OSTC: variants seen among roughly 807,000 people sequenced by gnomAD.
The protein encoded by OSTC is oligosaccharyltransferase complex subunit OSTC.
A neutral mutation model predicts 16.4 loss-of-function variants in OSTC; 16 were observed. The observed-to-expected ratio is 0.98, with a 90% CI of 0.66 to 1.49. OSTC has a LOEUF of 1.49. Ranked by LOEUF, OSTC falls within the 40% of genes most tolerant of loss-of-function variation. OSTC has a pLI of 0.00. For synonymous variants in OSTC, 67 were observed against 68.5 expected, an observed-to-expected ratio of 0.98 and a Z score of 0.11; for missense variants, 139 against 186.3, an observed-to-expected ratio of 0.75 and a Z score of 1.48.
At chr4:108,658,779 C>G (rs185271573) in intron 3 of OSTC, among the ~76,000 whole-genome samples, 3 of 151,936 alleles carry the variant, frequency 2.0e-5, no homozygotes, top group African/African-American at 7.3e-5. Context: ...TTTACAAATT[C>G]ACTTGTTCTG....
chr4:108,665,533 G>GTTTTGTTTTGTT (rs33968685), intron 3 of OSTC, among the ~76,000 whole-genome samples: 1 of 125,952 alleles, frequency 7.9e-6, no homozygotes, highest in African/African-American at 2.8e-5. Flanking sequence ...AGGATGTTTT[G>GTTTTGTTTTGTT]TGTTTTGTTT....
intron 1 of OSTC, chr4:108,651,085 T>A: frequency 2.9e-6 from 1 of 347,620 alleles, no homozygotes; most frequent in Admixed American, 4.3e-5. Context: ...AAATTGTTGC[T>A]CTTTTTGTTG....
At chr4:108,657,349 T>C (rs1388940302) in intron 2 of OSTC, 101 bp from the exon 3 acceptor site, 1 of 987,676 alleles carries the variant, frequency 1.0e-6, no homozygotes, top group Non-Finnish European at 1.5e-6. Flanking sequence ...ATAAGAAATA[T>C]AGCACAAAAA....
chr4:108,667,097 A>C, intron 3 of OSTC, 150 bp from the exon 4 acceptor site: 1 of 612,252 alleles, frequency 1.6e-6, no homozygotes. Context: ...ATATGAAATA[A>C]GGACCATAAT....
At chr4:108,657,922 T>C (rs1456035289) in intron 3 of OSTC, among the ~76,000 whole-genome samples, 1 of 99,690 alleles carries the variant, frequency 1.0e-5, no homozygotes, top group African/African-American at 4.4e-5. Context: ...TGTTTCTTTT[T>C]TTTTTTTTTT....
intron 1 of OSTC, among the ~76,000 whole-genome samples, chr4:108,652,955 CTTGTA>C (rs1357927443): frequency 6.6e-6 from 1 of 152,100 alleles, no homozygotes; most frequent in Non-Finnish European, 1.5e-5. Flanking sequence ...AGGAGAATTG[CTTGTA>C]CCCGGGAGGT....
chr4:108,662,059 A>G lies in OSTC; in HGVS notation c.431+4412A>G, dbSNP rs1041726567. Among the ~76,000 whole-genome samples, 5 of 152,334 alleles carry G rather than the reference A, an allele frequency of 3.3e-5. No homozygotes were observed. In the East Asian group the frequency reaches 9.6e-4, roughly 29 times the overall value. On this transcript the variant is annotated intron_variant, in intron 3 of 3. Coordinates refer to ENST00000361564, the MANE Select transcript of OSTC (RefSeq NM_021227.4). ...TATAAAACTACTTGAAATAGATACT[A>G]TCAGATAATTGAGGACAAAAGGTCT...
At position 108,650,810 on chromosome 4, in the gene OSTC, G is replaced by A. The variant is rs1417567127; in HGVS notation, c.139+16G>A. 2 of 1,613,916 alleles carry A rather than the reference G, an allele frequency of 1.2e-6. No individual in the cohort carries two copies. Among genetic ancestry groups the A allele is most frequent in the Non-Finnish European group, 1.7e-6 (2 of 1,179,902 alleles). ...ATCACCGGAGGTAACTCGGGCTGTCGGGCCCGAGAGGCTGAGGAGCGGAGA... is the reference window on the plus strand; with the variant it reads ...ATCACCGGAGGTAACTCGGGCTGTCAGGCCCGAGAGGCTGAGGAGCGGAGA... On this transcript the variant is annotated intron_variant, in intron 1 of 3. Transcript: ENST00000361564.
At chr4:108,658,504 A>G (rs1320666477) in intron 3 of OSTC, among the ~76,000 whole-genome samples, 1 of 151,986 alleles carries the variant, frequency 6.6e-6, no homozygotes, top group Non-Finnish European at 1.5e-5. Context: ...ACTTTTCAAT[A>G]TCTTTAGAGG....
intron 3 of OSTC, among the ~76,000 whole-genome samples, chr4:108,665,533 GTGTTTTGTTT>G (rs140237062): frequency 2.4e-5 from 3 of 125,952 alleles, no homozygotes; most frequent in African/African-American, 8.4e-5. Flanking sequence ...AGGATGTTTT[GTGTTTTGTTT>G]TGTTTTGTTT....
intron 3 of OSTC, 80 bp downstream of exon 3, chr4:108,657,727 T>G (rs1389568479): frequency 1.6e-6 from 2 of 1,257,576 alleles, no homozygotes; most frequent in African/African-American, 3.0e-5. Context: ...CATAGGACAT[T>G]TAATTTAACT....
chr4:108,659,516 C>T (rs1227978364), intron 3 of OSTC, among the ~76,000 whole-genome samples: 1 of 152,100 alleles, frequency 6.6e-6, no homozygotes, highest in Non-Finnish European at 1.5e-5. Context: ...TGCCTGTAAT[C>T]CCAGCACTTT....
At chr4:108,656,456 G>T (rs1213827466) in intron 2 of OSTC, among the ~76,000 whole-genome samples, 1 of 122,480 alleles carries the variant, frequency 8.2e-6, no homozygotes, top group African/African-American at 4.1e-5. Flanking sequence ...GAAAACAATT[G>T]ACCAAAAAAA....
chr4:108,652,988 G>A (rs1480405043), intron 1 of OSTC, among the ~76,000 whole-genome samples: 1 of 152,114 alleles, frequency 6.6e-6, no homozygotes, highest in African/African-American at 2.4e-5. Flanking sequence ...GCAGTGAGCC[G>A]AGATGGTGCC....
At chr4:108,651,950 A>C (rs533320360) in intron 1 of OSTC, among the ~76,000 whole-genome samples, 1 of 152,214 alleles carries the variant, frequency 6.6e-6, no homozygotes, top group Non-Finnish European at 1.5e-5. Context: ...AATAAATTAC[A>C]TTTAAATATT....
chr4:108,651,706 A>G (rs1177410413), intron 1 of OSTC, among the ~76,000 whole-genome samples: 1 of 152,198 alleles, frequency 6.6e-6, no homozygotes, highest in Admixed American at 6.5e-5. Flanking sequence ...GATTTTGGGA[A>G]GTGGTGTACT....
chr4:108,657,109 T>C (rs1333749733), intron 2 of OSTC, among the ~76,000 whole-genome samples: 2 of 152,104 alleles, frequency 1.3e-5, no homozygotes, highest in Non-Finnish European at 1.5e-5. Flanking sequence ...AAAGCGTTCG[T>C]ATACATAAAA....
In OSTC at chr4:108,650,787, C is replaced by T. The variant is rs749305731; in HGVS notation, c.132C>T (p.Ile44=). ...TGGTGGTGGTGTCTTACTTCCTCATCACCGGAGGTAACTCGGGCTGTCGGG... is the reference window on the plus strand; with the variant it reads ...TGGTGGTGGTGTCTTACTTCCTCATTACCGGAGGTAACTCGGGCTGTCGGG... The part of the protein sequence containing the change: ...YALVVVSYFL[I]TGGIIYDVIV... Residue 44 remains isoleucine (I), a synonymous_variant, in exon 1 of 4, where the codon ATC becomes ATT. Transcript: ENST00000361564. The T allele has an allele frequency of 6.2e-6, 10 of 1,614,086 alleles. No individual in the cohort carries two copies. The Admixed American group carries it at 1.2e-4, about 19-fold the overall frequency.
intron 2 of OSTC, among the ~76,000 whole-genome samples, chr4:108,656,393 C>T (rs1361419046): frequency 6.6e-6 from 1 of 151,464 alleles, no homozygotes; most frequent in Admixed American, 6.6e-5. Flanking sequence ...TTCATAGTGC[C>T]CTCTTTCACA....
Sources: gnomAD v4.1 joint callset for allele counts (sites outside exome capture counted in the v4.1 genomes callset) on GRCh38, gnomAD v4.1.1 for gene constraint, MANE v1.5 for transcripts, NCBI Gene and HGNC (gene_info 2026-07-23, HGNC 2026-07-21) for gene names.